NSUN3: variants seen among roughly 807,000 people sequenced by gnomAD.
The protein encoded by NSUN3 is tRNA (cytosine(34)-C(5))-methyltransferase, mitochondrial.
NSUN3 carries 24 observed loss-of-function variants against 36.8 expected under a neutral mutation model. That is an observed-to-expected ratio of 0.65 (90% CI 0.47 to 0.92). NSUN3 has a LOEUF of 0.92. NSUN3 is among the 40% of genes least tolerant of loss of function. The pLI, the probability that NSUN3 is intolerant of heterozygous loss-of-function variation, is 0.00. For synonymous variants in NSUN3, 146 were observed against 145.2 expected, an observed-to-expected ratio of 1.01 and a Z score of -0.04; for missense variants, 381 against 392.8, an observed-to-expected ratio of 0.97 and a Z score of 0.25.
chr3:94,066,608 C>T (rs2077204891), intron 2 of NSUN3, among the ~76,000 whole-genome samples: 1 of 152,114 alleles, frequency 6.6e-6, no homozygotes, highest in East Asian at 1.9e-4. Context: ...TTGGAGTTTA[C>T]CCTGGTTCAA....
rs565485992 is a variant in NSUN3, at chr3:94,129,176, G to A, written c.*2686G>A. Among the ~76,000 whole-genome samples, 27 of 152,066 alleles carry A rather than the reference G, an allele frequency of 1.8e-4. No homozygotes were observed. In the East Asian group the frequency reaches 4.8e-3, roughly 27 times the overall value. Reference sequence around the variant, plus strand: ...GTATATACCCACAGGAAAATAAATTGTCCTACAAAAAAAGACATAAACGCT... The same window carrying A: ...GTATATACCCACAGGAAAATAAATTATCCTACAAAAAAAGACATAAACGCT... On this transcript the variant is annotated 3_prime_UTR_variant, in exon 6 of 6. Transcript: ENST00000314622.
intron 2 of NSUN3, among the ~76,000 whole-genome samples, chr3:94,080,166 G>A (rs2077261720): frequency 6.6e-6 from 1 of 152,068 alleles, no homozygotes; most frequent in African/African-American, 2.4e-5. Context: ...CTAACAGTTG[G>A]GCCCCTCTGC....
At position 94,105,748 on chromosome 3, in the gene NSUN3, T is replaced by TAC. The variant is rs148215821; in HGVS notation, c.743+10611_743+10612dup. Among the ~76,000 whole-genome samples, 542 of 149,376 alleles carry TAC rather than the reference T, an allele frequency of 3.6e-3. 1 individual carries two copies. Among genetic ancestry groups the TAC allele is most frequent in the East Asian group, 6.5e-3 (33 of 5,092 alleles). On this transcript the variant is annotated intron_variant, in intron 5 of 5. Coordinates refer to ENST00000314622, the MANE Select transcript of NSUN3 (RefSeq NM_022072.5). ...AAAGTTTCTTCTTAACACACACACA[T>TAC]ACACACACACACACACACGGTTTGA...
At chr3:94,064,631 TA>T in intron 2 of NSUN3, 85 bp downstream of exon 2, 1 of 823,162 alleles carries the variant, frequency 1.2e-6, no homozygotes, top group Non-Finnish European at 2.0e-6. Flanking sequence ...GCTGTGAGGT[TA>T]AAAGGCAAAG....
chr3:94,089,400 GA>G (rs1245804805), intron 3 of NSUN3, among the ~76,000 whole-genome samples: 1 of 152,184 alleles, frequency 6.6e-6, no homozygotes, highest in Non-Finnish European at 1.5e-5. Flanking sequence ...GCACCAGGGA[GA>G]GGCAATTTCC....
rs938421475 is a variant in NSUN3 at position 94,131,108 on chromosome 3, G to T, written c.*4618G>T. Among the ~76,000 whole-genome samples, 1 of 151,666 alleles carries T rather than the reference G, an allele frequency of 6.6e-6. No individual in the cohort carries two copies. The highest frequency in any genetic ancestry group is 6.6e-5 in the Admixed American group (1 of 15,202). ...TTAAATTATTATTATTATTATTATTGTAGAGATGTGACCTCACCAGGCTGG... is the reference window on the plus strand; with the variant it reads ...TTAAATTATTATTATTATTATTATTTTAGAGATGTGACCTCACCAGGCTGG... On this transcript the variant is annotated 3_prime_UTR_variant, in exon 6 of 6. Coordinates refer to ENST00000314622, the MANE Select transcript of NSUN3 (RefSeq NM_022072.5).
At chr3:94,109,646 TTGG>T (rs1398233245) in intron 5 of NSUN3, among the ~76,000 whole-genome samples, 1 of 152,190 alleles carries the variant, frequency 6.6e-6, no homozygotes, top group African/African-American at 2.4e-5. Flanking sequence ...TGCAGAAAAG[TTGG>T]TGGATTCCAC....
rs566328357 is a variant in NSUN3 at position 94,118,608 on chromosome 3, A to G, written c.744-7603A>G. Among the ~76,000 whole-genome samples the G allele has an allele frequency of 2.0e-5, 3 of 152,220 alleles. No homozygotes were observed. In the East Asian group the frequency reaches 5.8e-4, roughly 29 times the overall value. On this transcript the variant is annotated intron_variant, in intron 5 of 5. Coordinates refer to ENST00000314622, the MANE Select transcript of NSUN3 (RefSeq NM_022072.5). ...TTCAGGAGCCAAGGGGCCATAGCTC[A>G]TTTGGACAGGTTAATAGAGGATACT...
At chr3:94,122,910 T>C (rs1234599060) in intron 5 of NSUN3, among the ~76,000 whole-genome samples, 1 of 152,200 alleles carries the variant, frequency 6.6e-6, no homozygotes, top group Non-Finnish European at 1.5e-5. Context: ...TGAAGACCCA[T>C]AAGTGGTGTA....
At chr3:94,069,273 A>C (rs1404860533) in intron 2 of NSUN3, among the ~76,000 whole-genome samples, 1 of 152,236 alleles carries the variant, frequency 6.6e-6, no homozygotes, top group East Asian at 1.9e-4. Flanking sequence ...AGGAAGATCC[A>C]TTGCCAAAAT....
intron 2 of NSUN3, among the ~76,000 whole-genome samples, chr3:94,082,857 A>T (rs1560031966): frequency 6.6e-6 from 1 of 152,142 alleles, no homozygotes; most frequent in Admixed American, 6.6e-5. Context: ...TTGGTTTTTT[A>T]TCATCTGAGC....
intron 2 of NSUN3, among the ~76,000 whole-genome samples, chr3:94,077,368 T>G (rs1300370604): frequency 2.6e-5 from 4 of 152,226 alleles, no homozygotes; most frequent in African/African-American, 7.2e-5. Context: ...TTTGCATTGA[T>G]GTTCATCAGG....
At chr3:94,109,416 A>G (rs2077406814) in intron 5 of NSUN3, among the ~76,000 whole-genome samples, 1 of 152,196 alleles carries the variant, frequency 6.6e-6, no homozygotes, top group Non-Finnish European at 1.5e-5. Flanking sequence ...CACAAATGAT[A>G]TAAGAGATTT....
chr3:94,066,759 T>A (rs1334191289), intron 2 of NSUN3, among the ~76,000 whole-genome samples: 1 of 152,228 alleles, frequency 6.6e-6, no homozygotes. Context: ...CAACTTCAGT[T>A]ACTTGGCAAA....
intron 5 of NSUN3, among the ~76,000 whole-genome samples, chr3:94,121,783 A>G (rs374705755): frequency 1.6e-4 from 25 of 152,240 alleles, no homozygotes; most frequent in African/African-American, 6.0e-4. Flanking sequence ...ATAAAATTTT[A>G]GTTATCTGGA....
At chr3:94,091,477 G>C (rs538123259) in intron 3 of NSUN3, among the ~76,000 whole-genome samples, 1 of 152,160 alleles carries the variant, frequency 6.6e-6, no homozygotes, top group Non-Finnish European at 1.5e-5. Context: ...TATGTGGGGA[G>C]TGCCTAACCA....
intron 2 of NSUN3, among the ~76,000 whole-genome samples, chr3:94,083,506 C>G (rs1036411944): frequency 6.6e-6 from 1 of 152,072 alleles, no homozygotes; most frequent in Non-Finnish European, 1.5e-5. Flanking sequence ...AGCAACCAAA[C>G]GGAGGCTGAA....
At position 94,126,273 on chromosome 3, in the gene NSUN3, A is replaced by C. The variant is rs2107276768; in HGVS notation, c.806A>C (p.Lys269Thr). Residue 269 changes from lysine to threonine, a missense_variant, in exon 6 of 6, where the codon AAG (lysine) becomes ACG (threonine). Transcript: ENST00000314622. ...ILVYSTCTLS[K>T]AENQDVISEI... ...GTATACTCTACATGCACGCTTTCCAAGGCAGAAAATCAAGATGTGATCAGT... is the reference window on the plus strand; with the variant it reads ...GTATACTCTACATGCACGCTTTCCACGGCAGAAAATCAAGATGTGATCAGT... 2 of 1,614,140 alleles carry C rather than the reference A, an allele frequency of 1.2e-6. No homozygotes were observed. Among genetic ancestry groups the C allele is most frequent in the Non-Finnish European group, 1.7e-6 (2 of 1,179,994 alleles).
At chr3:94,119,213 C>T (rs1041819575) in intron 5 of NSUN3, among the ~76,000 whole-genome samples, 12 of 152,084 alleles carry the variant, frequency 7.9e-5, no homozygotes, top group Non-Finnish European at 5.9e-5. Flanking sequence ...TTGTAAAATA[C>T]ATCTTTTAAT....
Sources: gnomAD v4.1 joint callset for allele counts (sites outside exome capture counted in the v4.1 genomes callset) on GRCh38, gnomAD v4.1.1 for gene constraint, MANE v1.5 for transcripts, NCBI Gene and HGNC (gene_info 2026-07-23, HGNC 2026-07-21) for gene names.